The following C1orf21 variants were observed in gnomAD, a reference collection of about 807,000 sequenced individuals.
The protein encoded by C1orf21 is chromosome 1 open reading frame 21.
Under a neutral mutation model 18.7 loss-of-function variants are expected in C1orf21, and 3 were observed. That is an observed-to-expected ratio of 0.16 (90% CI 0.07 to 0.42). The LOEUF is 0.42. C1orf21 is among the 10% of genes least tolerant of loss of function. The pLI is 0.99. For synonymous variants in C1orf21, 41 were observed against 46.4 expected, an observed-to-expected ratio of 0.88 and a Z score of 0.47; for missense variants, 104 against 143.6, an observed-to-expected ratio of 0.72 and a Z score of 1.41.
chr1:184,523,227 C>G (rs967026260), intron 3 of C1orf21, among the ~76,000 whole-genome samples: 1 of 152,056 alleles, frequency 6.6e-6, no homozygotes, highest in Non-Finnish European at 1.5e-5. Flanking sequence ...AAAATGAGAA[C>G]TTTACAGTGG....
At chr1:184,405,183 C>A (rs1656225512) in intron 1 of C1orf21, among the ~76,000 whole-genome samples, 2 of 152,072 alleles carry the variant, frequency 1.3e-5, no homozygotes, top group South Asian at 4.1e-4. Flanking sequence ...TTATTAGACC[C>A]AGTGCTAATA....
chr1:184,623,440 C>A lies in C1orf21; in HGVS notation c.*3884C>A, dbSNP rs1659956469. 1 of 152,102 alleles carries A rather than the reference C, an allele frequency of 6.6e-6. No individual in the cohort carries two copies. Among genetic ancestry groups the A allele is most frequent in the South Asian group, 2.1e-4 (1 of 4,826 alleles). 9.4% of individuals were successfully genotyped at this position (152,102 alleles called of 1,614,324 possible). On this transcript the variant is annotated 3_prime_UTR_variant, in exon 6 of 6. Coordinates refer to ENST00000235307, the MANE Select transcript of C1orf21 (RefSeq NM_030806.4). ...TCCCTGCTGGAAGGCATTCTCAGAGCTTTATGTCTTCGTACCTCTCAGAGA... is the reference window on the plus strand; with the variant it reads ...TCCCTGCTGGAAGGCATTCTCAGAGATTTATGTCTTCGTACCTCTCAGAGA...
intron 1 of C1orf21, among the ~76,000 whole-genome samples, chr1:184,452,843 G>A (rs900216178): frequency 4.6e-5 from 7 of 151,994 alleles, no homozygotes; most frequent in East Asian, 3.9e-4. Flanking sequence ...TAATATGACC[G>A]GCTCTGTTTG....
chr1:184,462,683 T>C (rs991272785), intron 1 of C1orf21, among the ~76,000 whole-genome samples: 2 of 152,128 alleles, frequency 1.3e-5, no homozygotes, highest in African/African-American at 4.8e-5. Flanking sequence ...TAAATAAAAC[T>C]AAGTAGTTAG....
chr1:184,392,662 A>T (rs1208341035), intron 1 of C1orf21, among the ~76,000 whole-genome samples: 1 of 152,096 alleles, frequency 6.6e-6, no homozygotes, highest in Non-Finnish European at 1.5e-5. Flanking sequence ...TCAGGCTCCC[A>T]GCATCCAGTG....
At chr1:184,464,156 A>G (rs763643286) in intron 1 of C1orf21, among the ~76,000 whole-genome samples, 2 of 152,204 alleles carry the variant, frequency 1.3e-5, no homozygotes, top group Non-Finnish European at 2.9e-5. Flanking sequence ...TTTTGGAGGC[A>G]TTCATTTATT....
intron 4 of C1orf21, among the ~76,000 whole-genome samples, chr1:184,592,056 T>A (rs770691296): frequency 6.6e-6 from 1 of 151,990 alleles, no homozygotes; most frequent in Non-Finnish European, 1.5e-5. Context: ...TAAAGAGATA[T>A]AAGGAAATGA....
chr1:184,439,542 A>C (rs1260539247), intron 1 of C1orf21, among the ~76,000 whole-genome samples: 4 of 152,060 alleles, frequency 2.6e-5, no homozygotes, highest in African/African-American at 9.7e-5. Flanking sequence ...CAGAGAGAAC[A>C]TTTTTTGAGA....
At chr1:184,578,960 C>T (rs1379918443) in intron 3 of C1orf21, among the ~76,000 whole-genome samples, 2 of 140,554 alleles carry the variant, frequency 1.4e-5, no homozygotes, top group East Asian at 4.2e-4. Context: ...CACTGAAGAA[C>T]TGAGGACCTG....
At chr1:184,564,310 A>C (rs1156924721) in intron 3 of C1orf21, among the ~76,000 whole-genome samples, 1 of 152,086 alleles carries the variant, frequency 6.6e-6, no homozygotes, top group African/African-American at 2.4e-5. Context: ...CTCCTTATTT[A>C]CTTATTTATT....
chr1:184,410,646 TATATATATATATATA>T (rs1248648591), intron 1 of C1orf21, among the ~76,000 whole-genome samples: 289 of 5,824 alleles, frequency 0.05, 56 homozygotes, highest in African/African-American at 0.073. Context: ...TATATATATA[TATATATATATATATA>T]TATTTTTTTT....
chr1:184,606,284 G>C (rs1659645795), intron 5 of C1orf21, among the ~76,000 whole-genome samples: 1 of 152,172 alleles, frequency 6.6e-6, no homozygotes, highest in Non-Finnish European at 1.5e-5. Context: ...CCTTTTAAAA[G>C]ATATTCATTG....
chr1:184,624,444 A>G lies in C1orf21; in HGVS notation c.*4888A>G, dbSNP rs1659973959. On this transcript the variant is annotated 3_prime_UTR_variant, in exon 6 of 6. Coordinates refer to ENST00000235307, the MANE Select transcript of C1orf21 (RefSeq NM_030806.4). ...CAGTTAGATACCAGATGCAACCAGAACAGGCTTTCGAGTGCTGTGATTTCT... is the reference window on the plus strand; with the variant it reads ...CAGTTAGATACCAGATGCAACCAGAGCAGGCTTTCGAGTGCTGTGATTTCT... 2 of 152,248 alleles carry G rather than the reference A, an allele frequency of 1.3e-5. No homozygotes were observed. The highest frequency in any genetic ancestry group is 4.8e-5 in the African/African-American group (2 of 41,468). The allele number at this position is 152,248 out of a possible 1,614,324, so 9.4% of individuals were successfully genotyped here. A position where few individuals can be genotyped will look rare whatever the true frequency, so the allele number is the denominator to read the frequency against.
At chr1:184,575,055 G>A (rs974165845) in intron 3 of C1orf21, among the ~76,000 whole-genome samples, 4 of 152,178 alleles carry the variant, frequency 2.6e-5, no homozygotes, top group African/African-American at 9.7e-5. Context: ...CCACTTTAAA[G>A]GACTACAGGA....
At chr1:184,559,797 T>G (rs886574001) in intron 3 of C1orf21, among the ~76,000 whole-genome samples, 1 of 152,042 alleles carries the variant, frequency 6.6e-6, no homozygotes, top group Admixed American at 6.6e-5. Flanking sequence ...TTTGTAATTC[T>G]TATAAAGATG....
At chr1:184,572,683 G>A (rs945550952) in intron 3 of C1orf21, among the ~76,000 whole-genome samples, 19 of 152,176 alleles carry the variant, frequency 1.2e-4, no homozygotes, top group Non-Finnish European at 2.1e-4. Context: ...GCCAGGTGCG[G>A]TGGCTCACGC....
intron 1 of C1orf21, among the ~76,000 whole-genome samples, chr1:184,469,558 A>T (rs987532306): frequency 6.6e-6 from 1 of 152,238 alleles, no homozygotes; most frequent in Non-Finnish European, 1.5e-5. Flanking sequence ...ATCTGGCACC[A>T]TGAAAGTAAA....
chr1:184,468,322 C>T (rs754033109), intron 1 of C1orf21, among the ~76,000 whole-genome samples: 3 of 151,972 alleles, frequency 2.0e-5, no homozygotes, highest in Non-Finnish European at 4.4e-5. Context: ...TGGCCCGAGG[C>T]AGAGCACAAG....
intron 1 of C1orf21, among the ~76,000 whole-genome samples, chr1:184,444,278 A>T (rs1656994628): frequency 6.6e-6 from 1 of 152,080 alleles, no homozygotes; most frequent in Non-Finnish European, 1.5e-5. Context: ...CCCCACCCAA[A>T]TCTCATTTTG....
Sources: allele counts gnomAD v4.1 joint callset (sites outside exome capture counted in the v4.1 genomes callset), GRCh38; gene constraint gnomAD v4.1.1; transcripts MANE v1.5; gene names NCBI Gene and HGNC (gene_info 2026-07-23, HGNC 2026-07-21).